Variants in COG6 observed in about 807,000 individuals in gnomAD.
COG6 encodes component of oligomeric golgi complex 6, also known as conserved oligomeric Golgi complex subunit 6.
A neutral mutation model predicts 88.8 loss-of-function variants in COG6; 74 were observed. The ratio of observed to expected loss-of-function variants is 0.83; its 90% CI spans 0.69 to 1.01. COG6 has a LOEUF of 1.01. Among genes scored for constraint, COG6 ranks in the 50% least tolerant of loss-of-function variants. COG6 has a pLI of 0.00. For synonymous variants in COG6, 286 were observed against 278.7 expected (o/e 1.03, Z -0.26); for missense variants, 800 against 797.9 (o/e 1.00, Z -0.03).
Position 39,684,243 on chromosome 13 carries a change from A to ATTTTTTTTTTTTTTTTTTTTTTTT in COG6, c.788+1981_788+2004dup, listed in dbSNP as rs1203671335. 8.9e-5 allele frequency among the ~76,000 whole-genome samples: 6 copies of ATTTTTTTTTTTTTTTTTTTTTTTT among 67,390 alleles called. 2 individuals are homozygous for ATTTTTTTTTTTTTTTTTTTTTTTT. Among genetic ancestry groups the ATTTTTTTTTTTTTTTTTTTTTTTT allele is most frequent in the South Asian group, 6.4e-4 (1 of 1,560 alleles). 44.2% of individuals were successfully genotyped at this position (67,390 alleles called of 152,430 possible). ...GGGGGCAGTAATGGCAATTTGGAAGATTTTTTTTTTTTTTTTTTTTTTTTT... is the reference window on the plus strand; with the variant it reads ...GGGGGCAGTAATGGCAATTTGGAAGATTTTTTTTTTTTTTTTTTTTTTTTTTTTTTTTTTTTTTTTTTTTTTTTT... On this transcript the variant is annotated intron_variant, in intron 8 of 18. Coordinates refer to ENST00000455146, the MANE Select transcript of COG6 (RefSeq NM_020751.3).
At chr13:39,706,707 A>G (rs1049020950) in intron 13 of COG6, among the ~76,000 whole-genome samples, 1 of 152,164 alleles carries the variant, frequency 6.6e-6, no homozygotes, top group African/African-American at 2.4e-5. Context: ...TGATTGGGTC[A>G]GAGTCTGTCT....
At chr13:39,767,141 C>T (rs550849688) in intron 18 of COG6, among the ~76,000 whole-genome samples, 3 of 152,168 alleles carry the variant, frequency 2.0e-5, no homozygotes, top group African/African-American at 4.8e-5. Flanking sequence ...ACAATAAGCA[C>T]TCTGCATATT....
At chr13:39,709,599 C>G (rs1878127590) in intron 13 of COG6, among the ~76,000 whole-genome samples, 4 of 152,024 alleles carry the variant, frequency 2.6e-5, no homozygotes, top group African/African-American at 9.7e-5. Context: ...CATGTTGTTG[C>G]AAAAGAAATG....
intron 18 of COG6, among the ~76,000 whole-genome samples, chr13:39,736,911 G>A (rs1388779895): frequency 1.3e-5 from 2 of 152,164 alleles, no homozygotes; most frequent in African/African-American, 4.8e-5. Context: ...GGGCATCGAA[G>A]AGGTGGGTGT....
At chr13:39,740,875 T>C (rs1880006741) in intron 18 of COG6, among the ~76,000 whole-genome samples, 1 of 152,188 alleles carries the variant, frequency 6.6e-6, no homozygotes, top group African/African-American at 2.4e-5. Flanking sequence ...AACGCCTTTT[T>C]TTCTCCTGTG....
In COG6 at chr13:39,677,564, A is replaced by C. The variant is rs990856016; in HGVS notation, c.525A>C (p.Glu175Asp). Reference protein sequence around the residue: ...DEMSLLRGTREGPITEDFFKA... With the variant: ...DEMSLLRGTRDGPITEDFFKA... Reference sequence around the variant, plus strand: ...TGAGTCTTCTCCGAGGTACAAGAGAAGGACCCATTACTGAGGTATCCTGGC... The same window carrying C: ...TGAGTCTTCTCCGAGGTACAAGAGACGGACCCATTACTGAGGTATCCTGGC... Residue 175 changes from glutamate to aspartate, a missense_variant, in exon 5 of 19, where the codon GAA becomes GAC. Transcript: ENST00000455146. 5 of 1,602,846 alleles carry C rather than the reference A, an allele frequency of 3.1e-6. No homozygotes were observed. The African/African-American group carries it at 5.4e-5, about 17-fold the overall frequency.
At chr13:39,738,989 A>C (rs185996469) in intron 18 of COG6, among the ~76,000 whole-genome samples, 1 of 152,278 alleles carries the variant, frequency 6.6e-6, no homozygotes, top group Admixed American at 6.5e-5. Flanking sequence ...GGAAATTAAC[A>C]TGATGCTTCA....
rs549020247 is a variant in COG6, at chr13:39,709,111, T to G, written c.1284+9493T>G. Among the ~76,000 whole-genome samples, 3 of 152,254 alleles carry G rather than the reference T, an allele frequency of 2.0e-5. No individual in the cohort carries two copies. The South Asian group carries it at 6.2e-4, about 32-fold the overall frequency. On this transcript the variant is annotated intron_variant, in intron 13 of 18. Transcript: ENST00000455146. ...TGACTTTCAGTAAGTTGTCACTATG[T>G]AATTGAGTTTTTACTAAATGTAAAA...
intron 18 of COG6, among the ~76,000 whole-genome samples, chr13:39,762,149 T>A (rs1168451163): frequency 6.6e-6 from 1 of 152,000 alleles, no homozygotes; most frequent in Non-Finnish European, 1.5e-5. Context: ...AAAGAAAATG[T>A]GGCATATATA....
intron 16 of COG6, among the ~76,000 whole-genome samples, chr13:39,724,141 C>T (rs147340442): frequency 6.6e-6 from 1 of 152,072 alleles, no homozygotes; most frequent in Non-Finnish European, 1.5e-5. Context: ...AAATTTCTAC[C>T]AGTAGGAACC....
At chr13:39,728,272 C>T (rs1566030496) in intron 18 of COG6, among the ~76,000 whole-genome samples, 1 of 152,094 alleles carries the variant, frequency 6.6e-6, no homozygotes, top group Non-Finnish European at 1.5e-5. Context: ...CAAATATTTA[C>T]ATTGAAATGT....
chr13:39,684,957 ATAAT>A (rs1326902859), intron 8 of COG6, among the ~76,000 whole-genome samples: 11 of 152,198 alleles, frequency 7.2e-5, no homozygotes, highest in African/African-American at 2.2e-4. Context: ...AAAAAATTTG[ATAAT>A]TTATTTTCTT....
chr13:39,782,548 C>T (rs1450448601), intron 18 of COG6, among the ~76,000 whole-genome samples: 1 of 152,108 alleles, frequency 6.6e-6, no homozygotes, highest in Non-Finnish European at 1.5e-5. Context: ...AGAAGTGCAC[C>T]AGAAATGGGT....
Position 39,724,483 on chromosome 13 carries a change from CTTTTTTT to C in COG6, c.1693-13_1693-7del. 1.6e-6 allele frequency: 2 copies of C among 1,283,434 alleles called. No individual in the cohort carries two copies. The highest frequency in any genetic ancestry group is 2.2e-6 in the Non-Finnish European group (2 of 927,106). 79.5% of individuals were successfully genotyped at this position (1,283,434 alleles called of 1,614,324 possible). On this transcript the variant is annotated intron_variant, in intron 16 of 18. Coordinates refer to ENST00000455146, the MANE Select transcript of COG6 (RefSeq NM_020751.3). The stretch of plus-strand genomic sequence containing the variant: ...TCTCCTTTTTTACATCTTGGATCTG[CTTTTTTT>C]TTTTTTTTTTTAAATAGGGCTCTTT...
chr13:39,708,457 A>G (rs576006890), intron 13 of COG6, among the ~76,000 whole-genome samples: 18 of 152,312 alleles, frequency 1.2e-4, no homozygotes, highest in African/African-American at 3.8e-4. Context: ...ATCTTTGGCT[A>G]TCTCAAGGTC....
intron 13 of COG6, among the ~76,000 whole-genome samples, chr13:39,713,180 G>A (rs1364065939): frequency 6.6e-6 from 1 of 152,078 alleles, no homozygotes; most frequent in Non-Finnish European, 1.5e-5. Context: ...GAATAAACTT[G>A]GATTTTCTAC....
rs759735412 is a variant in COG6 at position 39,659,446 on chromosome 13, T to C, written c.236T>C (p.Ile79Thr). The C allele has an allele frequency of 2.3e-5, 37 of 1,613,202 alleles. 1 individual carries two copies. The African/African-American group carries it at 3.2e-4, about 14-fold the overall frequency. The part of the protein sequence containing the change: ...LRTRRNLRGD[I>T]ERKSLAINEE... Reference sequence around the variant, plus strand: ...ACTCGAAGAAATTTACGTGGAGATATTGAACGTAAAAGTTTAGCCATCAAT... The same window carrying C: ...ACTCGAAGAAATTTACGTGGAGATACTGAACGTAAAAGTTTAGCCATCAAT... Residue 79 changes from isoleucine to threonine, a missense_variant, in exon 2 of 19, where the codon ATT becomes ACT. Transcript: ENST00000455146.
chr13:39,733,615 GT>G (rs1477108423), intron 18 of COG6, among the ~76,000 whole-genome samples: 1 of 149,794 alleles, frequency 6.7e-6, no homozygotes, highest in Admixed American at 6.6e-5. Flanking sequence ...TTCTTAATCT[GT>G]CTTTGGTTTT....
chr13:39,782,850 G>GTGAA (rs1881671239), intron 18 of COG6, among the ~76,000 whole-genome samples: 1 of 152,184 alleles, frequency 6.6e-6, no homozygotes, highest in South Asian at 2.1e-4. Flanking sequence ...GATGTGACTG[G>GTGAA]TGAATAGGTT....
Sources: gnomAD v4.1 joint callset for allele counts (sites outside exome capture counted in the v4.1 genomes callset) on GRCh38, gnomAD v4.1.1 for gene constraint, MANE v1.5 for transcripts, NCBI Gene and HGNC (gene_info 2026-07-23, HGNC 2026-07-21) for gene names.